The following DVL2 variants were observed in gnomAD, a reference collection of about 807,000 sequenced individuals.
DVL2 encodes segment polarity protein dishevelled homolog DVL-2.
DVL2 carries 38 observed loss-of-function variants against 69.8 expected under a neutral mutation model. The ratio of observed to expected loss-of-function variants is 0.54; its 90% CI spans 0.42 to 0.71. The LOEUF is 0.71. Ranked by LOEUF, DVL2 falls within the 30% of genes least tolerant of loss-of-function variation. The pLI, the probability that DVL2 is intolerant of heterozygous loss-of-function variation, is 0.00. For missense variants in DVL2, 931 were observed against 1,008.1 expected, an observed-to-expected ratio of 0.92 and a Z score of 1.04; for synonymous variants, 428 against 392.4, an observed-to-expected ratio of 1.09 and a Z score of -1.07.
chr17:7,227,846 C>A, intron 10 of DVL2, 63 bp from the exon 11 acceptor site: 2 of 1,556,554 alleles, frequency 1.3e-6, no homozygotes, highest in Non-Finnish European at 8.7e-7. Flanking sequence ...CCAGTCCCTC[C>A]CTGACTCAGC....
Position 7,234,382 on chromosome 17 carries a change from G to T in DVL2, c.-120C>A. ...CGGACAGGACTGACCCAGTACGGGA[G>T]AGAAGCAAAGGGGAAAAAGCACGGA... On this transcript the variant is annotated 5_prime_UTR_variant, in exon 1 of 15. Coordinates refer to ENST00000005340, the MANE Select transcript of DVL2 (RefSeq NM_004422.3). 8.6e-7 allele frequency: 1 copy of T among 1,166,462 alleles called. No individual in the cohort carries two copies. Among genetic ancestry groups the T allele is most frequent in the Non-Finnish European group, 1.2e-6 (1 of 833,562 alleles). The allele number at this position is 1,166,462 out of a possible 1,614,324, so 72.3% of individuals were successfully genotyped here. A position where few individuals can be genotyped will look rare whatever the true frequency, so the allele number is the denominator to read the frequency against.
chr17:7,228,333 T>G (rs1056774862), intron 9 of DVL2: 1 of 256,626 alleles, frequency 3.9e-6, no homozygotes, highest in African/African-American at 2.2e-5. Context: ...CAAGGATACG[T>G]GCAAGGGTGG....
Position 7,229,335 on chromosome 17 carries a change from G to A in DVL2, c.817+43C>T. 1.9e-6 allele frequency: 3 copies of A among 1,613,618 alleles called. No homozygotes were observed. Among genetic ancestry groups the A allele is most frequent in the Non-Finnish European group, 2.5e-6 (3 of 1,179,836 alleles). On this transcript the variant is annotated intron_variant, in intron 7 of 14. Transcript: ENST00000005340. This position sits in a 1 kb window ranked among gnomAD's most constrained non-coding sequence, Gnocchi z 4.4. ...GCCACAGGACGCCCGGAACCCTAGA[G>A]ACCAGGCCCTCCCCACGCCCTAGCC...
intron 1 of DVL2, among the ~76,000 whole-genome samples, chr17:7,233,259 A>G (rs938724451): frequency 3.9e-5 from 6 of 151,966 alleles, no homozygotes; most frequent in Non-Finnish European, 5.9e-5. Context: ...ACAGCCTACA[A>G]TGCCCCCACA....
rs776076357 is a variant in DVL2 at position 7,225,840 on chromosome 17, C to T, written c.*25G>A. 27 of 1,605,324 alleles carry T rather than the reference C, an allele frequency of 1.7e-5. No homozygotes were observed. The highest frequency in any genetic ancestry group is 1.7e-4 in the Middle Eastern group (1 of 5,894). ...CACCCAGTCACACACCAGGAGCGCC[C>T]GGCCCAGCCTGGCCCCACAGTGGGC... On this transcript the variant is annotated 3_prime_UTR_variant, in exon 15 of 15. Transcript: ENST00000005340.
rs2142994846 is a variant in DVL2 at position 7,234,487 on chromosome 17, C to T, written c.-225G>A. 1 of 547,734 alleles carries T rather than the reference C, an allele frequency of 1.8e-6. No individual in the cohort carries two copies. Among genetic ancestry groups the T allele is most frequent in the African/African-American group, 2.0e-5 (1 of 49,394 alleles). The allele number at this position is 547,734 out of a possible 1,614,324, so 33.9% of individuals were successfully genotyped here. ...CTCAGCGGCCGCCGCGCGCCACCGCCACCGACGCCGCGAGCTTCCTCCAGG... is the reference window on the plus strand; with the variant it reads ...CTCAGCGGCCGCCGCGCGCCACCGCTACCGACGCCGCGAGCTTCCTCCAGG... On this transcript the variant is annotated 5_prime_UTR_variant, in exon 1 of 15. Transcript: ENST00000005340.
At chr17:7,230,185 C>T in intron 3 of DVL2, 30 bp from the exon 4 acceptor site, 1 of 1,611,968 alleles carries the variant, frequency 6.2e-7, no homozygotes, top group Non-Finnish European at 8.5e-7. Context: ...TTCCAACCCA[C>T]ATCAGGAGAA....
In DVL2 at chr17:7,226,256, G is replaced by C; in HGVS notation, c.1820C>G (p.Pro607Arg). 2 of 1,609,314 alleles carry C rather than the reference G, an allele frequency of 1.2e-6. No homozygotes were observed. The highest frequency in any genetic ancestry group is 1.7e-6 in the Non-Finnish European group (2 of 1,178,518). Residue 607 changes from proline to arginine, a missense_variant, in exon 15 of 15, where the codon CCC (proline) becomes CGC (arginine). This residue lies in a region of DVL2 where 314 missense variants were observed against 313.7 expected (regional missense o/e 1.00). Coordinates refer to ENST00000005340, the MANE Select transcript of DVL2 (RefSeq NM_004422.3). ...CTTGGACTCGGGGGCCCGCTCCTCG[G>C]GCCTCCCCGTGCGCCCTGCCCCCCC... is the stretch of plus-strand genomic sequence containing the variant. ...SDGGAGRTGR[P>R]EERAPESKSG...
chr17:7,226,303 G>A lies in DVL2; in HGVS notation c.1773C>T (p.Ser591=). 6.4e-7 allele frequency: 1 copy of A among 1,565,012 alleles called. No homozygotes were observed. Among genetic ancestry groups the A allele is most frequent in the Admixed American group, 1.9e-5 (1 of 51,990 alleles). The change falls in exon 15 of 15, where the codon AGC becomes AGT. Residue 591 remains serine (S), a synonymous_variant. Coordinates refer to ENST00000005340, the MANE Select transcript of DVL2 (RefSeq NM_004422.3). ...CCCCATCACTCCGTGTCGACCCACT[G>A]CTCCGGCTGCCTGTGGAGGGAGGGG... ...ASSQHSEGSR[S]SGSTRSDGGA...
In DVL2 at chr17:7,229,789, G is replaced by C. The variant is rs781503849; in HGVS notation, c.656+19C>G. On this transcript the variant is annotated intron_variant, in intron 5 of 14. Transcript: ENST00000005340. This position sits in a 1 kb window ranked among gnomAD's most constrained non-coding sequence, Gnocchi z 4.4. ...GAGACGGGGCTGGGTGCGCTGGGGA[G>C]AGCTGTGCGGAGCCACACCTGCTCA... The C allele has an allele frequency of 1.2e-6, 2 of 1,605,872 alleles. No homozygotes were observed. The highest frequency in any genetic ancestry group is 1.7e-6 in the Non-Finnish European group (2 of 1,174,700).
Position 7,229,474 on chromosome 17 carries a change from C to T in DVL2, c.748-27G>A. ...TGTGGTGGGAAAAGGAGCCAGAGTG[C>T]CCTTCAATAACCCAGGGTCAACCCT... On this transcript the variant is annotated intron_variant, in intron 6 of 14. Coordinates refer to ENST00000005340, the MANE Select transcript of DVL2 (RefSeq NM_004422.3). The surrounding 1 kb of genome is among the most constrained non-coding windows in gnomAD (Gnocchi z 4.4). 6.2e-7 allele frequency: 1 copy of T among 1,613,900 alleles called. No individual in the cohort carries two copies.
Position 7,227,678 on chromosome 17 carries a change from G to A in DVL2, c.1208C>T (p.Thr403Ile). Residue 403 changes from threonine (T) to isoleucine (I), a missense_variant, in exon 11 of 15, where the codon ACA becomes ATA. By Grantham distance (89) the Thr-to-Ile change is moderately conservative (BLOSUM62 -1). Coordinates refer to ENST00000005340, the MANE Select transcript of DVL2 (RefSeq NM_004422.3). ...ACCATCAGGCAAAGACGATCCAGAT[G>A]TAATGGTGCTCATGGAGGAGGAACC... Reference protein sequence around the residue: ...YPGSSSMSTITSGSSLPDGCE... With the variant: ...YPGSSSMSTIISGSSLPDGCE... The A allele has an allele frequency of 1.2e-6, 2 of 1,614,114 alleles. No individual in the cohort carries two copies. Among genetic ancestry groups the A allele is most frequent in the South Asian group, 1.1e-5 (1 of 91,068 alleles).
At chr17:7,230,238 T>TCGAA (rs2071521985) in intron 3 of DVL2, 47 bp downstream of exon 3, 1 of 1,612,590 alleles carries the variant, frequency 6.2e-7, no homozygotes, top group African/African-American at 1.3e-5. Flanking sequence ...AGGCCTGGGT[T>TCGAA]CCCTCCTCAC....
At chr17:7,230,882 T>C (rs2071533100) in intron 1 of DVL2, 85 bp from the exon 2 acceptor site, 2 of 1,034,434 alleles carry the variant, frequency 1.9e-6, no homozygotes, top group African/African-American at 1.6e-5. Context: ...AATCTTCACC[T>C]GGCTCCAGGA....
At position 7,234,058 on chromosome 17, in the gene DVL2, C is replaced by T. The variant is rs1214679583; in HGVS notation, c.194+11G>A. 1 of 1,613,670 alleles carries T rather than the reference C, an allele frequency of 6.2e-7. No homozygotes were observed. The highest frequency in any genetic ancestry group is 8.5e-7 in the Non-Finnish European group (1 of 1,179,990). On this transcript the variant is annotated intron_variant, in intron 1 of 14. Transcript: ENST00000005340. ...AAGCCCCCGCCGGTCCTATCTAGGC[C>T]TTGCGCTCACCCGAAATCCTGATCC...
rs530858993 is a variant in DVL2 at position 7,231,877 on chromosome 17, A to C, written c.195-1080T>G. On this transcript the variant is annotated intron_variant, in intron 1 of 14. Coordinates refer to ENST00000005340, the MANE Select transcript of DVL2 (RefSeq NM_004422.3). ...TCCACCTCAGAAAAAAAAAAAAAAA[A>C]AAAAACCACCCATTGGATCAAACAA... Among the ~76,000 whole-genome samples, 8 of 151,884 alleles carry C rather than the reference A, an allele frequency of 5.3e-5. No homozygotes were observed. In the East Asian group the frequency reaches 5.8e-4, roughly 11 times the overall value.
At chr17:7,228,584 C>CTT (rs756078129) in intron 9 of DVL2, 206 of 185,094 alleles carry the variant, frequency 1.1e-3, no homozygotes, top group South Asian at 2.8e-3. Context: ...TGTCTTAGCA[C>CTT]TTTTTTTTTT....
intron 10 of DVL2, 39 bp downstream of exon 10, chr17:7,227,938 C>T (rs1446729299): frequency 6.3e-7 from 1 of 1,576,080 alleles, no homozygotes; most frequent in African/African-American, 1.3e-5. Flanking sequence ...TGGGCAGCCC[C>T]CACCCCCAAC....
Position 7,229,827 on chromosome 17 carries a change from C to T in DVL2, c.637G>A (p.Glu213Lys), listed in dbSNP as rs543488041. Residue 213 changes from glutamate (E) to lysine (K), a missense_variant, in exon 5 of 15, where the codon GAG becomes AAG. Coordinates refer to ENST00000005340, the MANE Select transcript of DVL2 (RefSeq NM_004422.3). This position sits in a 1 kb window ranked among gnomAD's most constrained non-coding sequence, Gnocchi z 4.4. Reference sequence around the variant, plus strand: ...CCACACCTGCTCATGGTGTCCTCCTCGTCCGAGTCCCCCAGGCTGGTACTC... The same window carrying T: ...CCACACCTGCTCATGGTGTCCTCCTTGTCCGAGTCCCCCAGGCTGGTACTC... ...LESTSLGDSD[E>K]EDTMSRFSSS... The T allele has an allele frequency of 1.2e-6, 2 of 1,612,170 alleles. No individual in the cohort carries two copies. The highest frequency in any genetic ancestry group is 1.7e-5 in the Admixed American group (1 of 60,016).
Sources: allele counts gnomAD v4.1 joint callset (sites outside exome capture counted in the v4.1 genomes callset), GRCh38; gene constraint gnomAD v4.1.1; regional missense constraint gnomAD v4.1.1; non-coding constraint Gnocchi (gnomAD v3.1); transcripts MANE v1.5; gene names NCBI Gene and HGNC (gene_info 2026-07-23, HGNC 2026-07-21).